Variants in PAK5 observed in about 807,000 individuals in gnomAD.
PAK5 encodes the protein p21 (RAC1) activated kinase 5.
A neutral mutation model predicts 65.9 loss-of-function variants in PAK5; 16 were observed. That is an observed-to-expected ratio of 0.24 (90% CI 0.16 to 0.37). PAK5 has a LOEUF of 0.37. Ranked by LOEUF, PAK5 falls within the 10% of genes least tolerant of loss-of-function variation. The pLI is 1.00. For missense variants in PAK5, 785 were observed against 903.9 expected (o/e 0.87, Z 1.69); for synonymous variants, 371 against 354.9 (o/e 1.05, Z -0.51).
intron 2 of PAK5, among the ~76,000 whole-genome samples, chr20:9,685,247 T>C (rs6077585): frequency 0.17 from 25,384 of 152,160 alleles, 2,258 homozygotes; most frequent in Non-Finnish European, 0.18. Flanking sequence ...CCTTGGTGAC[T>C]GGTGTCTGAG....
intron 1 of PAK5, among the ~76,000 whole-genome samples, chr20:9,757,825 C>T (rs2048652704): frequency 6.6e-6 from 1 of 152,110 alleles, no homozygotes. Flanking sequence ...TTTCAAAATA[C>T]TTTGATAGTA....
intron 1 of PAK5, among the ~76,000 whole-genome samples, chr20:9,796,596 T>C (rs2123726958): frequency 6.6e-6 from 1 of 152,234 alleles, no homozygotes; most frequent in Non-Finnish European, 1.5e-5. Flanking sequence ...CCATCAGATT[T>C]GCATTTTTGA....
chr20:9,636,698 G>A (rs2123245133), intron 3 of PAK5, among the ~76,000 whole-genome samples: 1 of 152,228 alleles, frequency 6.6e-6, no homozygotes, highest in African/African-American at 2.4e-5. Flanking sequence ...AAATTATATA[G>A]TATACACGAA....
chr20:9,798,946 G>A (rs1475200602), intron 1 of PAK5, among the ~76,000 whole-genome samples: 3 of 152,126 alleles, frequency 2.0e-5, no homozygotes, highest in Non-Finnish European at 2.9e-5. Context: ...CCATTCAGGT[G>A]ATTCTGATGG....
At chr20:9,616,531 TC>T (rs1442838489) in intron 3 of PAK5, among the ~76,000 whole-genome samples, 3 of 152,110 alleles carry the variant, frequency 2.0e-5, no homozygotes, top group African/African-American at 7.2e-5. Context: ...CATATATACA[TC>T]CCCCGGGCAT....
chr20:9,651,623 A>T (rs933454513), intron 2 of PAK5, among the ~76,000 whole-genome samples: 2 of 152,148 alleles, frequency 1.3e-5, no homozygotes, highest in African/African-American at 4.8e-5. Context: ...TAAAATGGTA[A>T]ATTTTTTGTT....
intron 2 of PAK5, among the ~76,000 whole-genome samples, chr20:9,649,757 C>A (rs760716463): frequency 6.6e-6 from 1 of 151,906 alleles, no homozygotes; most frequent in Non-Finnish European, 1.5e-5. Context: ...TCATTAGGGA[C>A]CAGAAGATGC....
At chr20:9,743,932 C>T (rs531318855) in intron 1 of PAK5, among the ~76,000 whole-genome samples, 23 of 152,222 alleles carry the variant, frequency 1.5e-4, no homozygotes, top group African/African-American at 4.6e-4. Context: ...CAGGTGTACC[C>T]TAAATACCAT....
chr20:9,677,801 A>G lies in PAK5; in HGVS notation c.-11-33462T>C, dbSNP rs995704588. Among the ~76,000 whole-genome samples the G allele has an allele frequency of 1.2e-4, 18 of 152,360 alleles. No individual in the cohort carries two copies. The East Asian group carries it at 1.7e-3, about 15-fold the overall frequency. On this transcript the variant is annotated intron_variant, in intron 2 of 9. Coordinates refer to ENST00000353224, the MANE Select transcript of PAK5 (RefSeq NM_177990.4). ...ACTCATGGAAATCACAGGTATTTAA[A>G]TATCATAGGACAGTATAGTGGCTTT...
intron 2 of PAK5, among the ~76,000 whole-genome samples, chr20:9,647,834 C>G (rs2047152947): frequency 6.6e-6 from 1 of 152,168 alleles, no homozygotes; most frequent in Non-Finnish European, 1.5e-5. Flanking sequence ...GGTGCAGAGA[C>G]AAAATCTCCA....
chr20:9,558,961 C>T (rs1186328678), intron 6 of PAK5, among the ~76,000 whole-genome samples: 1 of 152,184 alleles, frequency 6.6e-6, no homozygotes, highest in Non-Finnish European at 1.5e-5. Flanking sequence ...ATGATTCAAA[C>T]CCCACCTCTT....
At chr20:9,733,651 G>C (rs751595056) in intron 1 of PAK5, among the ~76,000 whole-genome samples, 11 of 152,060 alleles carry the variant, frequency 7.2e-5, no homozygotes, top group Non-Finnish European at 8.8e-5. Flanking sequence ...CACCATATTG[G>C]CCAGACTGGT....
intron 1 of PAK5, among the ~76,000 whole-genome samples, chr20:9,746,608 A>G (rs2048511081): frequency 6.6e-6 from 1 of 152,196 alleles, no homozygotes; most frequent in South Asian, 2.1e-4. Flanking sequence ...AAAGATAATT[A>G]TGCACTAATT....
chr20:9,565,423 C>A (rs1344515541), intron 5 of PAK5, among the ~76,000 whole-genome samples: 1 of 152,110 alleles, frequency 6.6e-6, no homozygotes, highest in Non-Finnish European at 1.5e-5. Flanking sequence ...TGACCCTGGT[C>A]TACTGTTTTA....
rs541520396 is a variant in PAK5 at position 9,701,157 on chromosome 20, C to T, written c.-12+10129G>A. On this transcript the variant is annotated intron_variant, in intron 2 of 9. Coordinates refer to ENST00000353224, the MANE Select transcript of PAK5 (RefSeq NM_177990.4). ...CGCCCTTTGACGAGTCAAGCAAAGTCATTCACATTTCTCTCTATATATATA... is the reference window on the plus strand; with the variant it reads ...CGCCCTTTGACGAGTCAAGCAAAGTTATTCACATTTCTCTCTATATATATA... Among the ~76,000 whole-genome samples the T allele has an allele frequency of 4.7e-4, 72 of 152,292 alleles. No individual in the cohort carries two copies. In the South Asian group the frequency reaches 5.4e-3, roughly 11 times the overall value.
chr20:9,816,553 A>C (rs1448103317), intron 1 of PAK5, among the ~76,000 whole-genome samples: 1 of 152,172 alleles, frequency 6.6e-6, no homozygotes, highest in Non-Finnish European at 1.5e-5. Flanking sequence ...AGGAAGGTTG[A>C]ATCTGCTCTC....
chr20:9,605,537 A>G (rs1348163354), intron 3 of PAK5, among the ~76,000 whole-genome samples: 1 of 152,204 alleles, frequency 6.6e-6, no homozygotes. Flanking sequence ...ATATTGCTAG[A>G]TTGGAGGAAG....
chr20:9,748,841 T>A (rs947699413), intron 1 of PAK5, among the ~76,000 whole-genome samples: 3 of 152,168 alleles, frequency 2.0e-5, no homozygotes, highest in East Asian at 1.9e-4. Context: ...TTAATGTGAA[T>A]GAGAAACTTA....
At chr20:9,572,771 T>G (rs2045813263) in intron 4 of PAK5, among the ~76,000 whole-genome samples, 1 of 152,196 alleles carries the variant, frequency 6.6e-6, no homozygotes, top group Non-Finnish European at 1.5e-5. Context: ...GGTGGGAAAC[T>G]GCAATGTAAG....
Sources: gnomAD v4.1 joint callset for allele counts (sites outside exome capture counted in the v4.1 genomes callset) on GRCh38, gnomAD v4.1.1 for gene constraint, MANE v1.5 for transcripts, NCBI Gene and HGNC (gene_info 2026-07-23, HGNC 2026-07-21) for gene names.